The following ZNF276 variants were observed in gnomAD, a reference collection of about 807,000 sequenced individuals.
ZNF276 encodes centromere protein Z.
Under a neutral mutation model 63.9 loss-of-function variants are expected in ZNF276, and 59 were observed. The ratio of observed to expected loss-of-function variants is 0.92; its 90% confidence interval spans 0.75 to 1.15. The LOEUF is 1.15. ZNF276 is among the 50% of genes most tolerant of loss of function. The pLI is 0.00. For synonymous variants in ZNF276, 496 were observed against 348.4 expected, an observed-to-expected ratio of 1.42 and a Z score of -4.72; for missense variants, 1,084 against 843.8, an observed-to-expected ratio of 1.28 and a Z score of -3.53.
At chr16:89,728,871 C>G (rs1049665445) in intron 5 of ZNF276, among the ~76,000 whole-genome samples, 7 of 152,186 alleles carry the variant, frequency 4.6e-5, no homozygotes, top group Non-Finnish European at 7.3e-5. Flanking sequence ...CATGGCAAAC[C>G]CATCAGTTGC....
intron 4 of ZNF276, among the ~76,000 whole-genome samples, chr16:89,724,553 A>G (rs1456486390): frequency 6.6e-6 from 1 of 152,206 alleles, no homozygotes. Context: ...AGGCTGAGGC[A>G]CGAGAATCAC....
In ZNF276 at chr16:89,733,908, G is replaced by C; in HGVS notation, c.1357-13G>C. On this transcript the variant is annotated splice_polypyrimidine_tract_variant and intron_variant, in intron 8 of 10. Transcript: ENST00000443381. ...TGCGGCTCTGAGGGTCTCTCACCGA[G>C]TCTCTCCTTCAGAAGCACATCAAGG... 3 of 1,612,964 alleles carry C rather than the reference G, an allele frequency of 1.9e-6. No individual in the cohort carries two copies. Among genetic ancestry groups the C allele is most frequent in the Non-Finnish European group, 2.5e-6 (3 of 1,179,386 alleles).
intron 4 of ZNF276, 24 bp from the exon 5 acceptor site, chr16:89,727,255 G>C: frequency 6.2e-7 from 1 of 1,612,254 alleles, no homozygotes; most frequent in Non-Finnish European, 8.5e-7. Context: ...GTTGGTAACA[G>C]GAGCCTTGTT....
At chr16:89,721,184 C>A, upstream of ZNF276, 1 of 238,026 alleles carries the variant, frequency 4.2e-6, no homozygotes, top group Admixed American at 5.7e-5. Context: ...ACGTGAGACC[C>A]CGGCCCCCCT....
At chr16:89,732,399 C>T (rs559309422) in intron 6 of ZNF276, 3 of 153,194 alleles carry the variant, frequency 2.0e-5, no homozygotes, top group African/African-American at 7.2e-5. Flanking sequence ...GGGAGCATCA[C>T]CTGTTCCTCT....
intron 8 of ZNF276, 97 bp from the exon 9 acceptor site, chr16:89,733,824 A>C (rs1470117643): frequency 6.0e-6 from 7 of 1,158,346 alleles, no homozygotes; most frequent in Non-Finnish European, 8.9e-6. Flanking sequence ...GAGGAGTTGG[A>C]TCTGCCTTCC....
chr16:89,740,588 A>T lies in ZNF276; in HGVS notation c.*2342A>T. On this transcript the variant is annotated 3_prime_UTR_variant, in exon 11 of 11. Transcript: ENST00000443381. ...GAGGCTGAGGTTGCAGTGAGCTGAG[A>T]TCACACCACTGCACTCCAGCCTGGG... 1.7e-6 allele frequency: 1 copy of T among 580,698 alleles called. No individual in the cohort carries two copies. The highest frequency in any genetic ancestry group is 3.1e-6 in the Non-Finnish European group (1 of 326,088). 36.0% of individuals were successfully genotyped at this position (580,698 alleles called of 1,614,324 possible). A position where few individuals can be genotyped will look rare whatever the true frequency, so the allele number is the denominator to read the frequency against.
Position 89,738,999 on chromosome 16 carries a change from C to T in ZNF276, c.*753C>T. On this transcript the variant is annotated 3_prime_UTR_variant, in exon 11 of 11. Transcript: ENST00000443381. The stretch of plus-strand genomic sequence containing the variant: ...CCTAGAGAGAAAACAGGCAAACTCA[C>T]AGGTTAGAAGACATACAGAAACAGG... 3 of 1,614,162 alleles carry T rather than the reference C, an allele frequency of 1.9e-6. No homozygotes were observed. The highest frequency in any genetic ancestry group is 1.6e-4 in the Middle Eastern group (1 of 6,062).
chr16:89,720,515 AG>A, upstream of ZNF276: 1 of 1,148,796 alleles, frequency 8.7e-7, no homozygotes, highest in African/African-American at 1.6e-5. Context: ...GGTGGAGCCC[AG>A]GCTGTGATGC....
At chr16:89,732,585 C>G (rs1200325328) in intron 6 of ZNF276, 1 of 180,110 alleles carries the variant, frequency 5.6e-6, no homozygotes, top group South Asian at 9.9e-5. Context: ...CAGGGTGAAG[C>G]TTTAGTTCTC....
At position 89,738,411 on chromosome 16, in the gene ZNF276, A is replaced by T; in HGVS notation, c.*165A>T. 7.3e-7 allele frequency: 1 copy of T among 1,371,936 alleles called. No individual in the cohort carries two copies. The highest frequency in any genetic ancestry group is 1.4e-5 in the African/African-American group (1 of 69,526). The allele number at this position is 1,371,936 out of a possible 1,614,324, so 85.0% of individuals were successfully genotyped here. ...TCAAGTAGCCTTCCTCTGCTCTGGG[A>T]CCAGTGGTTTATTTTCCCGCAAACG... On this transcript the variant is annotated 3_prime_UTR_variant, in exon 11 of 11. Transcript: ENST00000443381.
Position 89,739,335 on chromosome 16 carries a change from G to T in ZNF276, c.*1089G>T. 14 of 1,611,158 alleles carry T rather than the reference G, an allele frequency of 8.7e-6. No individual in the cohort carries two copies. The highest frequency in any genetic ancestry group is 1.2e-5 in the Non-Finnish European group (14 of 1,177,718). Reference sequence around the variant, plus strand: ...ACAAATGGCTACAGACTGCTGGAAAGGTAGCAGGTGATGCCAAGGGATACT... The same window carrying T: ...ACAAATGGCTACAGACTGCTGGAAATGTAGCAGGTGATGCCAAGGGATACT... On this transcript the variant is annotated 3_prime_UTR_variant, in exon 11 of 11. Coordinates refer to ENST00000443381, the MANE Select transcript of ZNF276 (RefSeq NM_001113525.2).
At chr16:89,731,883 G>A (rs2061665296) in intron 6 of ZNF276, 1 of 152,248 alleles carries the variant, frequency 6.6e-6, no homozygotes, top group South Asian at 2.1e-4. Flanking sequence ...CTACGTAGAA[G>A]GTCGTGTCAT....
upstream of ZNF276, chr16:89,720,380 T>TC (rs1436589728): frequency 1.1e-5 from 11 of 989,782 alleles, no homozygotes; most frequent in Non-Finnish European, 1.3e-5. Context: ...CTGCATGCCG[T>TC]CCCCTGTGGC....
Position 89,739,226 on chromosome 16 carries a change from C to T in ZNF276, c.*980C>T, listed in dbSNP as rs2062057519. The stretch of plus-strand genomic sequence containing the variant: ...GCTGGACCAGCTTCAAGTACATGTC[C>T]ACAGCAACATGCAGGAAGGCCTCTT... On this transcript the variant is annotated 3_prime_UTR_variant, in exon 11 of 11. Coordinates refer to ENST00000443381, the MANE Select transcript of ZNF276 (RefSeq NM_001113525.2). The T allele has an allele frequency of 2.5e-6, 4 of 1,614,038 alleles. No individual in the cohort carries two copies. The highest frequency in any genetic ancestry group is 2.2e-5 in the South Asian group (2 of 91,092).
Position 89,740,561 on chromosome 16 carries a change from A to T in ZNF276, c.*2315A>T, listed in dbSNP as rs893759828. 1 of 539,200 alleles carries T rather than the reference A, an allele frequency of 1.9e-6. No individual in the cohort carries two copies. Among genetic ancestry groups the T allele is most frequent in the Non-Finnish European group, 3.3e-6 (1 of 302,352 alleles). The allele number at this position is 539,200 out of a possible 1,614,324, so 33.4% of individuals were successfully genotyped here. On this transcript the variant is annotated 3_prime_UTR_variant, in exon 11 of 11. Transcript: ENST00000443381. ...TGATGCAGGAGAATTGCTTGAACCC[A>T]GGAGGCTGAGGTTGCAGTGAGCTGA...
upstream of ZNF276, chr16:89,720,774 TG>T (rs2151650481): frequency 6.9e-7 from 1 of 1,452,420 alleles, no homozygotes; most frequent in Non-Finnish European, 9.1e-7. Flanking sequence ...CGGGGCCGGT[TG>T]CCGGTGTCCA....
Position 89,738,233 on chromosome 16 carries a change from C to T in ZNF276, c.1832C>T (p.Pro611Leu). The T allele has an allele frequency of 6.2e-7, 1 of 1,604,822 alleles. No individual in the cohort carries two copies. The highest frequency in any genetic ancestry group is 8.5e-7 in the Non-Finnish European group (1 of 1,176,272). ...SVTTEGQAVK[P>L]EPT is the part of the protein sequence containing the mutation. ...ACCACAGAGGGCCAGGCGGTGAAGC[C>T]CGAACCCACCTGAGGACGGCAGTGA... Residue 611 changes from proline to leucine, a missense_variant, in exon 11 of 11, where the codon CCC (proline) becomes CTC (leucine). By Grantham distance (98) the Pro-to-Leu change is moderately conservative. Coordinates refer to ENST00000443381, the MANE Select transcript of ZNF276 (RefSeq NM_001113525.2).
In ZNF276 at chr16:89,740,058, T is replaced by C. The variant is rs780156842; in HGVS notation, c.*1812T>C. 9 of 1,614,050 alleles carry C rather than the reference T, an allele frequency of 5.6e-6. No homozygotes were observed. The South Asian group carries it at 9.9e-5, about 18-fold the overall frequency. ...TCCTCTTCTCTAAACACTCGAGGATTGCTGCACAAACGTGGAAAGCCTTTG... is the reference window on the plus strand; with the variant it reads ...TCCTCTTCTCTAAACACTCGAGGATCGCTGCACAAACGTGGAAAGCCTTTG... On this transcript the variant is annotated 3_prime_UTR_variant, in exon 11 of 11. Transcript: ENST00000443381.
Sources: gnomAD v4.1 joint callset for allele counts (sites outside exome capture counted in the v4.1 genomes callset) on GRCh38, gnomAD v4.1.1 for gene constraint, MANE v1.5 for transcripts, NCBI Gene and HGNC (gene_info 2026-07-23, HGNC 2026-07-21) for gene names.